ZNF582: variants seen among roughly 807,000 people sequenced by gnomAD.
ZNF582 encodes the protein zinc finger protein 582.
ZNF582 carries 14 observed loss-of-function variants against 12.3 expected under a neutral mutation model. That is an observed-to-expected ratio of 1.14 (90% CI 0.75 to 1.78). The LOEUF is 1.78. ZNF582 is among the 40% of genes most tolerant of loss of function. ZNF582 has a pLI of 0.00. For missense variants in ZNF582, 567 were observed against 616.5 expected, an observed-to-expected ratio of 0.92 and a Z score of 0.85; for synonymous variants, 210 against 207.2, an observed-to-expected ratio of 1.01 and a Z score of -0.11.
At chr19:56,393,070 T>C in intron 1 of ZNF582, 150 bp downstream of exon 1, 1 of 568,456 alleles carries the variant, frequency 1.8e-6, no homozygotes, top group Non-Finnish European at 2.8e-6. Context: ...TTTTCTAAAC[T>C]AGCGGTTCTA....
At chr19:56,382,990 A>G (rs1448143373) in exon 5 of ZNF582, 1 of 152,208 alleles carries the variant, frequency 6.6e-6, no homozygotes, top group Non-Finnish European at 1.5e-5. Flanking sequence ...TCTCTTCTGA[A>G]TGAGGAAAAT....
chr19:56,384,165 T>C lies in ZNF582; in HGVS notation c.1252A>G (p.Thr418Ala), dbSNP rs1175932782. The C allele has an allele frequency of 6.2e-6, 10 of 1,612,292 alleles. No individual in the cohort carries two copies. Among genetic ancestry groups the C allele is most frequent in the Non-Finnish European group, 8.5e-6 (10 of 1,179,192 alleles). Residue 418 changes from threonine (T) to alanine (A), a missense_variant, in exon 5 of 5, where the codon ACA (threonine) becomes GCA (alanine). Transcript: ENST00000586929. ...TTACATTCATATGGCTTTTCACCTG[T>C]ATGAATTCTGTAATGTACAGTAAGA...
chr19:56,387,694 C>T (rs574085471), intron 4 of ZNF582: 7 of 152,148 alleles, frequency 4.6e-5, no homozygotes, highest in African/African-American at 1.7e-4. Flanking sequence ...AACTCCTAGG[C>T]TCAGGTGATT....
intron 1 of ZNF582, among the ~76,000 whole-genome samples, chr19:56,392,355 T>C (rs2042021558): frequency 6.6e-6 from 1 of 152,238 alleles, no homozygotes; most frequent in African/African-American, 2.4e-5. Flanking sequence ...TCATGGAGCA[T>C]GCCTTGCATC....
chr19:56,385,478 G>C (rs2041959165), intron 4 of ZNF582, among the ~76,000 whole-genome samples: 2 of 152,122 alleles, frequency 1.3e-5, no homozygotes. Context: ...TTGAGGCCAG[G>C]AGTTTGAGAC....
intron 4 of ZNF582, 150 bp from the exon 5 acceptor site, chr19:56,385,334 A>T: frequency 1.3e-6 from 1 of 786,278 alleles, no homozygotes; most frequent in Non-Finnish European, 1.9e-6. Context: ...CAGTGAAAGG[A>T]AAATAACATA....
chr19:56,385,671 TAAA>T (rs79502192), intron 4 of ZNF582, among the ~76,000 whole-genome samples: 1 of 135,448 alleles, frequency 7.4e-6, no homozygotes. Flanking sequence ...AGGGAGACTT[TAAA>T]AAAAAAAAAA....
exon 5 of ZNF582, chr19:56,383,750 T>C: frequency 7.8e-7 from 1 of 1,282,592 alleles, no homozygotes; most frequent in Non-Finnish European, 1.0e-6. Context: ...TTCTTTGATA[T>C]GAATTTTCAG....
chr19:56,385,217 T>G, intron 4 of ZNF582, 33 bp from the exon 5 acceptor site: 8 of 1,528,946 alleles, frequency 5.2e-6, no homozygotes, highest in Non-Finnish European at 7.0e-6. Flanking sequence ...ATGTTTGGCT[T>G]CTTTTTTTTT....
Position 56,391,646 on chromosome 19 carries a change from C to G in ZNF582, c.9+98G>C, listed in dbSNP as rs11880747. 1.1e-3 allele frequency: 1,171 copies of G among 1,102,440 alleles called. 7 individuals carry two copies. The African/African-American group carries it at 0.015, about 14-fold the overall frequency. The allele number at this position is 1,102,440 out of a possible 1,614,324, so 68.3% of individuals were successfully genotyped here. ...GACTCCTGCCTGGTCCTTTTATTCC[C>G]TAAAATGGGAAAGTCTGAGAACCAA... On this transcript the variant is annotated intron_variant, in intron 2 of 4. Transcript: ENST00000586929.
At chr19:56,392,927 GACC>G (rs2042027548) in intron 1 of ZNF582, among the ~76,000 whole-genome samples, 1 of 152,078 alleles carries the variant, frequency 6.6e-6, no homozygotes, top group African/African-American at 2.4e-5. Context: ...TCCTTATTAT[GACC>G]ACTTTTATAA....
chr19:56,388,953 A>G (rs1442768052), intron 4 of ZNF582, among the ~76,000 whole-genome samples: 1 of 152,036 alleles, frequency 6.6e-6, no homozygotes, highest in East Asian at 1.9e-4. Flanking sequence ...TTGCTCACTG[A>G]CCTCAGCCAC....
At chr19:56,388,432 G>A (rs1007333180) in intron 4 of ZNF582, 2 of 152,122 alleles carry the variant, frequency 1.3e-5, no homozygotes, top group African/African-American at 2.4e-5. Context: ...TCACTATTTT[G>A]TAACTATTAA....
At chr19:56,386,571 G>A (rs2041967591) in intron 4 of ZNF582, 1 of 152,270 alleles carries the variant, frequency 6.6e-6, no homozygotes, top group South Asian at 2.1e-4. Context: ...AAAGCTGAAT[G>A]CTATAATGGA....
In ZNF582 at chr19:56,391,728, G is replaced by C; in HGVS notation, c.9+16C>G. On this transcript the variant is annotated intron_variant, in intron 2 of 4. Coordinates refer to ENST00000586929, the Ensembl canonical transcript of ZNF582. ...AAGATAAGGAAAGCAAATATTTATG[G>C]GATTTAAAAACTCACAAGGGACATG... 2.5e-6 allele frequency: 4 copies of C among 1,608,578 alleles called. No homozygotes were observed. The highest frequency in any genetic ancestry group is 3.4e-6 in the Non-Finnish European group (4 of 1,175,028).
chr19:56,384,810 C>T (rs1252161881), exon 5 of ZNF582: 9 of 1,599,060 alleles, frequency 5.6e-6, no homozygotes, highest in Non-Finnish European at 7.7e-6. Context: ...TTCCCACATT[C>T]CTTACATTTA....
chr19:56,393,099 A>T, intron 1 of ZNF582, 121 bp downstream of exon 1: 1 of 841,224 alleles, frequency 1.2e-6, no homozygotes. Context: ...GGGGTCTTGT[A>T]ACTCTCTGAG....
At position 56,389,444 on chromosome 19, in the gene ZNF582, A is replaced by T. The variant is rs369136172; in HGVS notation, c.232+557T>A. On this transcript the variant is annotated intron_variant, in intron 4 of 4. Transcript: ENST00000586929. ...ACAGGAACGGAAAACCAAATACTGC[A>T]TGTTCTCACTTATAAGTGGGAGCTA... Among the ~76,000 whole-genome samples, 425 of 152,298 alleles carry T rather than the reference A, an allele frequency of 2.8e-3. 5 individuals carry two copies. The highest frequency in any genetic ancestry group is 0.021 in the South Asian group (102 of 4,828).
exon 5 of ZNF582, chr19:56,384,571 G>T (rs773646072): frequency 6.2e-7 from 1 of 1,613,952 alleles, no homozygotes; most frequent in South Asian, 1.1e-5. Flanking sequence ...TACACTGATA[G>T]GGTTTCTCGC....
Sources: gnomAD v4.1 joint callset for allele counts (sites outside exome capture counted in the v4.1 genomes callset) on GRCh38, gnomAD v4.1.1 for gene constraint, MANE v1.5 for transcripts, NCBI Gene and HGNC (gene_info 2026-07-23, HGNC 2026-07-21) for gene names.